The following SCP2 variants were observed in gnomAD, a reference collection of about 807,000 sequenced individuals.
SCP2 encodes SCP-2/3-oxoacyl-CoA thiolase.
In SCP2, 48 loss-of-function variants were observed where a neutral mutation model predicts 71.4. That is an observed-to-expected ratio of 0.67 (90% CI 0.53 to 0.86). SCP2 has a LOEUF of 0.86. Ranked by LOEUF, SCP2 falls within the 40% of genes least tolerant of loss-of-function variation. SCP2 has a pLI of 0.00. For missense variants in SCP2, 560 were observed against 655.6 expected (o/e 0.85, Z 1.59); for synonymous variants, 220 against 218.1 (o/e 1.01, Z -0.08).
At chr1:53,029,782 G>A (rs1238830776) in intron 13 of SCP2, among the ~76,000 whole-genome samples, 1 of 152,196 alleles carries the variant, frequency 6.6e-6, no homozygotes, top group African/African-American at 2.4e-5. Flanking sequence ...AGAAGCTGCA[G>A]ACCTGTCCTG....
At chr1:53,004,890 C>T (rs1660532236) in intron 11 of SCP2, among the ~76,000 whole-genome samples, 1 of 152,156 alleles carries the variant, frequency 6.6e-6, no homozygotes, top group African/African-American at 2.4e-5. Flanking sequence ...GAAGCCGTGA[C>T]AGATGGTACC....
chr1:52,979,198 A>T (rs1413129961), intron 9 of SCP2, among the ~76,000 whole-genome samples: 1 of 151,876 alleles, frequency 6.6e-6, no homozygotes, highest in African/African-American at 2.4e-5. Flanking sequence ...TTGAGACAGG[A>T]TCTTGCTTTG....
intron 11 of SCP2, among the ~76,000 whole-genome samples, chr1:53,009,807 C>A (rs1660870805): frequency 6.6e-6 from 1 of 152,176 alleles, no homozygotes; most frequent in Non-Finnish European, 1.5e-5. Flanking sequence ...AGCTTCTGCA[C>A]AGCAAAAGAA....
chr1:52,977,624 G>C (rs552729090), intron 8 of SCP2, among the ~76,000 whole-genome samples: 1 of 152,326 alleles, frequency 6.6e-6, no homozygotes, highest in Admixed American at 6.5e-5. Flanking sequence ...CTCAGAAGAT[G>C]CCTTATGCAT....
chr1:52,943,648 T>TAA, intron 2 of SCP2: 1 of 432,744 alleles, frequency 2.3e-6, no homozygotes, highest in Middle Eastern at 8.1e-4. Flanking sequence ...AGGCCTCACT[T>TAA]ACTTCTTGCA....
intron 11 of SCP2, among the ~76,000 whole-genome samples, chr1:53,011,896 G>A (rs1030743833): frequency 1.3e-5 from 2 of 152,044 alleles, no homozygotes; most frequent in African/African-American, 2.4e-5. Context: ...TTACATCACC[G>A]TTAGGGCTTA....
At chr1:52,985,987 A>G (rs146129898) in intron 10 of SCP2, among the ~76,000 whole-genome samples, 25 of 151,952 alleles carry the variant, frequency 1.6e-4, no homozygotes, top group African/African-American at 5.1e-4. Flanking sequence ...CTTATTTTAT[A>G]TATTGTCTGT....
chr1:52,975,344 C>T (rs553566343), intron 7 of SCP2, among the ~76,000 whole-genome samples: 16 of 152,286 alleles, frequency 1.1e-4, no homozygotes, highest in African/African-American at 3.8e-4. Context: ...CAGCACCTGG[C>T]TAATTTTTGT....
chr1:52,937,143 T>A (rs943091049), intron 1 of SCP2, among the ~76,000 whole-genome samples: 1 of 152,100 alleles, frequency 6.6e-6, no homozygotes, highest in Non-Finnish European at 1.5e-5. Flanking sequence ...CTGATCCTTA[T>A]TGGTCCTTAT....
At chr1:53,042,510 C>A (rs563305994) in intron 14 of SCP2, among the ~76,000 whole-genome samples, 23 of 152,104 alleles carry the variant, frequency 1.5e-4, no homozygotes, top group Non-Finnish European at 2.6e-4. Context: ...GTACCCCAGA[C>A]CCCAAGGGAT....
chr1:53,045,752 A>C (rs975173367), intron 14 of SCP2, among the ~76,000 whole-genome samples: 1 of 152,170 alleles, frequency 6.6e-6, no homozygotes, highest in Non-Finnish European at 1.5e-5. Context: ...TAGATGTATA[A>C]TTCTGTGAAT....
In SCP2 at chr1:52,966,818, G is replaced by A. The variant is rs376670200; in HGVS notation, c.523+5189G>A. On this transcript the variant is annotated intron_variant, in intron 6 of 15. Transcript: ENST00000371514. ...TAAGGCAGGAGAATCACTTCAACCC[G>A]GGAGGTGGAGGTTGCAGTGAGCCGA... is the stretch of plus-strand genomic sequence containing the variant. Among the ~76,000 whole-genome samples the A allele has an allele frequency of 5.9e-5, 9 of 152,042 alleles. No individual in the cohort carries two copies. The East Asian group carries it at 1.6e-3, about 26-fold the overall frequency.
Position 52,978,320 on chromosome 1 carries a change from A to G in SCP2, c.778A>G (p.Met260Val), listed in dbSNP as rs112110457. 2 of 1,614,126 alleles carry G rather than the reference A, an allele frequency of 1.2e-6. No homozygotes were observed. Among genetic ancestry groups the G allele is most frequent in the South Asian group, 1.1e-5 (1 of 91,080 alleles). The change falls in exon 9 of 16, where the codon ATG becomes GTG. Residue 260 changes from methionine (M) to valine (V), a missense_variant. Physicochemically the swap from Met to Val is conservative, Grantham distance 21. Transcript: ENST00000371514. ...KAVEILAQEMMTDLPSSFEEK... is the reference protein window; with the variant it reads ...KAVEILAQEMVTDLPSSFEEK... ...TGTGGAAATTTTGGCACAAGAAATG[A>G]TGACTGATTTGCCAAGCTCGTTTGA...
intron 2 of SCP2, among the ~76,000 whole-genome samples, chr1:52,942,795 G>T (rs1042762552): frequency 3.3e-5 from 5 of 150,418 alleles, no homozygotes; most frequent in African/African-American, 1.2e-4. Context: ...GGACTCCCAG[G>T]TTCAAGTGAT....
intron 5 of SCP2, among the ~76,000 whole-genome samples, chr1:52,959,864 C>T (rs533252311): frequency 1.1e-4 from 16 of 151,662 alleles, no homozygotes; most frequent in South Asian, 2.1e-4. Flanking sequence ...TACAATAAAA[C>T]GACCAGCTTT....
chr1:53,019,978 C>A (rs1408069006), intron 12 of SCP2, among the ~76,000 whole-genome samples: 1 of 152,182 alleles, frequency 6.6e-6, no homozygotes, highest in Non-Finnish European at 1.5e-5. Flanking sequence ...CTTCCACCTC[C>A]TGGGTTCATG....
intron 11 of SCP2, among the ~76,000 whole-genome samples, chr1:53,007,877 G>T (rs150838920): frequency 6.6e-6 from 1 of 151,904 alleles, no homozygotes; most frequent in Admixed American, 6.6e-5. Flanking sequence ...TTGATAGACC[G>T]CTAGCAAGAC....
In SCP2 at chr1:52,995,760, C is replaced by T. The variant is rs1008557708; in HGVS notation, c.1081+7624C>T. The stretch of plus-strand genomic sequence containing the variant: ...ATCAAGACAGCTGTCTGTGACATCC[C>T]ACCTCATGGCTTCAAGATGGCGGTC... On this transcript the variant is annotated intron_variant, in intron 11 of 15. Coordinates refer to ENST00000371514, the MANE Select transcript of SCP2 (RefSeq NM_002979.5). 3 of 777,836 alleles carry T rather than the reference C, an allele frequency of 3.9e-6. No individual in the cohort carries two copies. In the African/African-American group the frequency reaches 5.0e-5, roughly 13 times the overall value. The allele number at this position is 777,836 out of a possible 1,614,324, so 48.2% of individuals were successfully genotyped here.
At chr1:53,039,620 C>T (rs1464954662) in intron 14 of SCP2, among the ~76,000 whole-genome samples, 2 of 152,206 alleles carry the variant, frequency 1.3e-5, no homozygotes, top group African/African-American at 4.8e-5. Context: ...AATTCCCAGC[C>T]CTCATGATAT....
Sources: gnomAD v4.1 joint callset for allele counts (sites outside exome capture counted in the v4.1 genomes callset) on GRCh38, gnomAD v4.1.1 for gene constraint, MANE v1.5 for transcripts, NCBI Gene and HGNC (gene_info 2026-07-23, HGNC 2026-07-21) for gene names.